The following MYO5B variants were observed in gnomAD, a reference collection of about 807,000 sequenced individuals.
The protein encoded by MYO5B is unconventional myosin-Vb.
MYO5B carries 143 observed loss-of-function variants against 229.3 expected under a neutral mutation model. That is an observed-to-expected ratio of 0.62 (90% CI 0.54 to 0.72). MYO5B has a LOEUF of 0.72. MYO5B is among the 30% of genes least tolerant of loss of function. The pLI, the probability that MYO5B is intolerant of heterozygous loss-of-function variation, is 0.00. For missense variants in MYO5B, 2,321 were observed against 2,331.0 expected (o/e 1.00, Z 0.09); for synonymous variants, 918 against 885.2 (o/e 1.04, Z -0.66).
At chr18:49,963,148 C>T in intron 10 of MYO5B, 118 bp from the exon 11 acceptor site, 1 of 804,326 alleles carries the variant, frequency 1.2e-6, no homozygotes, top group East Asian at 2.5e-5. Context: ...TCCCCATTGT[C>T]TCATCTTGTG....
At chr18:50,135,581 A>C (rs2032322675) in intron 1 of MYO5B, among the ~76,000 whole-genome samples, 1 of 152,236 alleles carries the variant, frequency 6.6e-6, no homozygotes, top group Admixed American at 6.5e-5. Flanking sequence ...GAAAGGGCTA[A>C]GTATTCAATC....
intron 1 of MYO5B, among the ~76,000 whole-genome samples, chr18:50,155,621 C>T (rs564189803): frequency 2.1e-4 from 32 of 152,344 alleles, no homozygotes; most frequent in African/African-American, 6.0e-4. Context: ...GCACTCCCAA[C>T]AGGCAAGTGA....
At chr18:50,141,610 C>T (rs1408796366) in intron 1 of MYO5B, among the ~76,000 whole-genome samples, 1 of 152,222 alleles carries the variant, frequency 6.6e-6, no homozygotes, top group Non-Finnish European at 1.5e-5. Flanking sequence ...CCATACCCTA[C>T]CCTATGCATG....
intron 18 of MYO5B, among the ~76,000 whole-genome samples, chr18:49,910,245 G>A (rs1249899381): frequency 6.6e-6 from 1 of 152,134 alleles, no homozygotes; most frequent in African/African-American, 2.4e-5. Context: ...TGTGGGGGCC[G>A]ACTCAGCCAG....
intron 5 of MYO5B, among the ~76,000 whole-genome samples, chr18:50,000,447 A>T (rs929789752): frequency 3.9e-5 from 6 of 152,234 alleles, no homozygotes; most frequent in Admixed American, 3.3e-4. Context: ...CAAGACAACA[A>T]CAAAGAGCTT....
rs376384329 is a variant in MYO5B, at chr18:49,912,150, T to C, written c.2114A>G (p.Asn705Ser). ...PSRWAYHDFF[N>S]RYRVLVKKRE... ...CTTCTTGACCAGCACCCGATACCGG[T>C]TGAAAAAGTCATGGTAGGCCCACCT... The change falls in exon 18 of 40, where the codon AAC becomes AGC. Residue 705 changes from asparagine to serine, a missense_variant. By Grantham distance (46) the Asn-to-Ser change is conservative (BLOSUM62 1). Around this residue, in one of 2 missense-constraint regions of MYO5B, gnomAD observed 2,113 missense variants for 2,044.7 expected, o/e 1.03. Transcript: ENST00000285039. The C allele has an allele frequency of 6.8e-6, 11 of 1,613,800 alleles. No individual in the cohort carries two copies. Among genetic ancestry groups the C allele is most frequent in the African/African-American group, 6.7e-5 (5 of 74,926 alleles).
At chr18:50,123,658 G>A (rs1249651637) in intron 1 of MYO5B, among the ~76,000 whole-genome samples, 1 of 152,230 alleles carries the variant, frequency 6.6e-6, no homozygotes, top group Non-Finnish European at 1.5e-5. Flanking sequence ...AGTAAGCCAT[G>A]ATCGTACCAC....
At chr18:49,863,789 T>C (rs984161630) in intron 28 of MYO5B, among the ~76,000 whole-genome samples, 1 of 152,020 alleles carries the variant, frequency 6.6e-6, no homozygotes, top group Non-Finnish European at 1.5e-5. Context: ...ATTAGGAAAA[T>C]ACAGTGAATA....
At chr18:49,923,006 A>AAAAATGAGGTTGCCTG (rs1430463932) in intron 17 of MYO5B, among the ~76,000 whole-genome samples, 6 of 152,214 alleles carry the variant, frequency 3.9e-5, no homozygotes, top group Non-Finnish European at 5.9e-5. Flanking sequence ...TTTAGCTGCT[A>AAAAATGAGGTTGCCTG]AAAATGAGGT....
intron 1 of MYO5B, among the ~76,000 whole-genome samples, chr18:50,165,790 G>A (rs1382131482): frequency 2.0e-5 from 3 of 150,670 alleles, no homozygotes; most frequent in Admixed American, 1.3e-4. Flanking sequence ...AGAAAAAAAG[G>A]AAGGAAGGAA....
chr18:50,019,804 CT>C (rs1186395565), intron 4 of MYO5B, among the ~76,000 whole-genome samples: 2 of 152,214 alleles, frequency 1.3e-5, no homozygotes, highest in African/African-American at 4.8e-5. Context: ...CAAATTTCGT[CT>C]GCTTTAAAAT....
chr18:50,057,550 C>T (rs1396970253), intron 1 of MYO5B, among the ~76,000 whole-genome samples: 1 of 152,024 alleles, frequency 6.6e-6, no homozygotes, highest in Non-Finnish European at 1.5e-5. Flanking sequence ...ATATGCCACT[C>T]GTGGGGTGGT....
chr18:49,832,004 CTTATATGTGATATCTAGAAT>C (rs2023928916), intron 39 of MYO5B, among the ~76,000 whole-genome samples: 1 of 152,114 alleles, frequency 6.6e-6, no homozygotes, highest in Non-Finnish European at 1.5e-5. Context: ...TATGAGCCAA[CTTATATGTGATATCTAGAAT>C]TTACATATAG....
intron 1 of MYO5B, among the ~76,000 whole-genome samples, chr18:50,177,392 C>T (rs778010194): frequency 1.4e-4 from 21 of 152,104 alleles, no homozygotes; most frequent in Admixed American, 2.0e-4. Flanking sequence ...AGCTTGTAAA[C>T]GTTTATGTTT....
intron 2 of MYO5B, among the ~76,000 whole-genome samples, chr18:50,043,497 A>AT (rs2030119298): frequency 1.6e-5 from 2 of 122,082 alleles, no homozygotes; most frequent in African/African-American, 6.5e-5. Flanking sequence ...ATTTTTATAT[A>AT]TAAATATAAA....
rs73440546 is a variant in MYO5B at position 49,948,484 on chromosome 18, A to G, written c.1752+4776T>C. 7.9e-3 allele frequency among the ~76,000 whole-genome samples: 1,199 copies of G among 152,334 alleles called. 12 individuals are homozygous for G. The highest frequency in any genetic ancestry group is 0.026 in the African/African-American group (1,097 of 41,588). On this transcript the variant is annotated intron_variant, in intron 14 of 39. Coordinates refer to ENST00000285039, the MANE Select transcript of MYO5B (RefSeq NM_001080467.3). ...TTTGTCAACTAAAAAGTTATCCTAC[A>G]TAGTACCCTGCTTGGTTTAAGTATT...
At chr18:50,100,906 G>A (rs1228002227) in intron 1 of MYO5B, among the ~76,000 whole-genome samples, 2 of 152,180 alleles carry the variant, frequency 1.3e-5, no homozygotes. Context: ...ACTCTGCTTT[G>A]GGAGGGACAG....
At chr18:50,121,330 G>T (rs1386826370) in intron 1 of MYO5B, among the ~76,000 whole-genome samples, 1 of 152,188 alleles carries the variant, frequency 6.6e-6, no homozygotes, top group East Asian at 1.9e-4. Flanking sequence ...AATAAACATT[G>T]CTAGAATACA....
At chr18:50,069,330 G>C (rs564113276) in intron 1 of MYO5B, among the ~76,000 whole-genome samples, 1 of 152,090 alleles carries the variant, frequency 6.6e-6, no homozygotes, top group Non-Finnish European at 1.5e-5. Context: ...CACTGCTGAC[G>C]TAAGGATGAA....
Sources: gnomAD v4.1 joint callset for allele counts (sites outside exome capture counted in the v4.1 genomes callset) on GRCh38, gnomAD v4.1.1 for gene constraint, gnomAD v4.1.1 regional missense constraint, MANE v1.5 for transcripts, NCBI Gene and HGNC (gene_info 2026-07-23, HGNC 2026-07-21) for gene names.